Variants in TENM2 observed in about 807,000 individuals in gnomAD.
TENM2 encodes the protein teneurin-2.
In TENM2, 52 loss-of-function variants were observed where a neutral mutation model predicts 245.2. That is an observed-to-expected ratio of 0.21 (90% CI 0.17 to 0.27). The LOEUF (loss-of-function observed/expected upper bound fraction) is 0.27. Ranked by LOEUF, TENM2 falls within the 10% of genes least tolerant of loss-of-function variation. The probability of loss-of-function intolerance (pLI) is 1.00; values close to 1 mark genes in which losing one functional copy is unlikely to be tolerated. For missense variants in TENM2, 3,046 were observed against 3,666.8 expected, an observed-to-expected ratio of 0.83 and a Z score of 4.37; for synonymous variants, 1,363 against 1,438.9, an observed-to-expected ratio of 0.95 and a Z score of 1.19.
At chr5:167,807,145 A>G (rs1336423212) in intron 2 of TENM2, among the ~76,000 whole-genome samples, 3 of 145,658 alleles carry the variant, frequency 2.1e-5, no homozygotes, top group Non-Finnish European at 3.0e-5. Context: ...AAAAAAAAAA[A>G]AAAAAAAAAA....
intron 6 of TENM2, among the ~76,000 whole-genome samples, chr5:168,061,471 G>A (rs1343187095): frequency 1.3e-5 from 2 of 152,134 alleles, no homozygotes; most frequent in Non-Finnish European, 1.5e-5. Context: ...TTCAACATAA[G>A]CAATTTTAAA....
At chr5:167,532,808 GTGTA>G (rs1008741735) in intron 2 of TENM2, among the ~76,000 whole-genome samples, 4 of 103,910 alleles carry the variant, frequency 3.8e-5, no homozygotes, top group East Asian at 2.8e-4. Flanking sequence ...ATATATTTGT[GTGTA>G]TGTGTGTGTG....
intron 2 of TENM2, among the ~76,000 whole-genome samples, chr5:167,397,138 GA>G (rs2127377669): frequency 6.6e-6 from 1 of 152,168 alleles, no homozygotes; most frequent in East Asian, 1.9e-4. Flanking sequence ...TGAATATAGG[GA>G]CAACATCTTA....
chr5:167,069,506 A>G, the TENM2 span, among the ~76,000 whole-genome samples: 251 of 152,338 alleles, frequency 1.6e-3, 15 homozygotes, highest in South Asian at 0.049. Flanking sequence ...TGGAAAGTCA[A>G]AATAATTTGA....
chr5:167,224,891 T>C, the TENM2 span, among the ~76,000 whole-genome samples: 1 of 152,042 alleles, frequency 6.6e-6, no homozygotes, highest in Non-Finnish European at 1.5e-5. Context: ...CAGTGCCTTA[T>C]AGTTTTCCTT....
chr5:167,402,851 G>C (rs1269601449), intron 2 of TENM2, among the ~76,000 whole-genome samples: 1 of 152,122 alleles, frequency 6.6e-6, no homozygotes, highest in Non-Finnish European at 1.5e-5. Context: ...ATGCAGCCTT[G>C]TTGCCTAATT....
At chr5:166,999,744 G>A in the TENM2 span, among the ~76,000 whole-genome samples, 1 of 152,116 alleles carries the variant, frequency 6.6e-6, no homozygotes, top group Non-Finnish European at 1.5e-5. Context: ...TTCCAAGTCC[G>A]ATTTTGATTT....
chr5:168,100,887 A>C (rs949130106), intron 9 of TENM2, among the ~76,000 whole-genome samples: 5 of 151,384 alleles, frequency 3.3e-5, no homozygotes, highest in African/African-American at 7.3e-5. Context: ...ACAAACCTGC[A>C]CATTCTGCAC....
chr5:167,066,538 C>T, the TENM2 span, among the ~76,000 whole-genome samples: 3 of 149,130 alleles, frequency 2.0e-5, no homozygotes, highest in South Asian at 2.2e-4. Context: ...CCCCTCCCCC[C>T]TCCCCACAAC....
At chr5:167,355,370 C>T in intron 1 of TENM2, among the ~76,000 whole-genome samples, 1 of 70,664 alleles carries the variant, frequency 1.4e-5, no homozygotes, top group South Asian at 6.3e-4. Context: ...ATTTTCTTAT[C>T]CGAATGGAGA....
chr5:167,927,461 A>G (rs552305680), intron 3 of TENM2, among the ~76,000 whole-genome samples: 1 of 152,282 alleles, frequency 6.6e-6, no homozygotes, highest in East Asian at 1.9e-4. Context: ...GTGCTAATGT[A>G]GTCTCCTGGA....
At chr5:167,464,706 T>G (rs17499941) in intron 2 of TENM2, among the ~76,000 whole-genome samples, 65,779 of 152,000 alleles carry the variant, frequency 0.43, 14,553 homozygotes, top group Middle Eastern at 0.53. Flanking sequence ...GACAGAACCC[T>G]GGAACTGCAC....
chr5:167,676,317 A>G (rs902887401), intron 2 of TENM2, among the ~76,000 whole-genome samples: 2 of 151,948 alleles, frequency 1.3e-5, no homozygotes, highest in South Asian at 2.1e-4. Context: ...TTCTTTACTC[A>G]TTCTTCTTCA....
At chr5:167,649,400 C>T (rs1384431379) in intron 2 of TENM2, among the ~76,000 whole-genome samples, 2 of 152,174 alleles carry the variant, frequency 1.3e-5, no homozygotes, top group African/African-American at 4.8e-5. Context: ...GGCTACACAC[C>T]TGACACCTTG....
In TENM2 at chr5:167,514,465, A is replaced by G. The variant is rs113912542; in HGVS notation, c.502+138992A>G. Among the ~76,000 whole-genome samples, 685 of 152,326 alleles carry G rather than the reference A, an allele frequency of 4.5e-3. 9 individuals carry two copies. Among genetic ancestry groups the G allele is most frequent in the African/African-American group, 0.016 (654 of 41,574 alleles). Reference sequence around the variant, plus strand: ...GTAACCGTGTTCATCCCAGAAGAATACACAAAAATGTCTTTCATGGTTCGA... The same window carrying G: ...GTAACCGTGTTCATCCCAGAAGAATGCACAAAAATGTCTTTCATGGTTCGA... On this transcript the variant is annotated intron_variant, in intron 2 of 28. Coordinates refer to ENST00000518659, the Ensembl canonical transcript of TENM2.
chr5:167,814,717 G>A (rs540769476), intron 2 of TENM2, among the ~76,000 whole-genome samples: 8 of 151,630 alleles, frequency 5.3e-5, no homozygotes, highest in African/African-American at 1.9e-4. Flanking sequence ...TATAAATGTA[G>A]TTATGTACAG....
intron 7 of TENM2, among the ~76,000 whole-genome samples, chr5:168,067,356 G>A (rs751429776): frequency 4.9e-4 from 74 of 152,116 alleles, no homozygotes; most frequent in Admixed American, 4.8e-3. Context: ...TTAGCCAATA[G>A]GGAGGAACAG....
At chr5:168,178,001 G>T (rs905813963) in intron 13 of TENM2, among the ~76,000 whole-genome samples, 2 of 152,126 alleles carry the variant, frequency 1.3e-5, no homozygotes, top group Non-Finnish European at 2.9e-5. Context: ...AGCCAAGTCC[G>T]GGCCCTTCTC....
At chr5:167,298,858 G>A (rs556330937) in intron 1 of TENM2, among the ~76,000 whole-genome samples, 81 of 152,294 alleles carry the variant, frequency 5.3e-4, no homozygotes, top group African/African-American at 1.9e-3. Flanking sequence ...GTAAACAAGA[G>A]CAGGGCATGT....
Sources: gnomAD v4.1 joint callset for allele counts (sites outside exome capture counted in the v4.1 genomes callset) on GRCh38, gnomAD v4.1.1 for gene constraint, MANE v1.5 for transcripts, NCBI Gene and HGNC (gene_info 2026-07-23, HGNC 2026-07-21) for gene names.